Variants in CACNA1F observed in about 807,000 individuals in gnomAD.
The protein encoded by CACNA1F is calcium voltage-gated channel subunit alpha1 F, also known as voltage-dependent L-type calcium channel subunit alpha-1F.
CACNA1F carries 59 observed loss-of-function variants against 143.8 expected under a neutral mutation model. That is an observed-to-expected ratio of 0.41 (90% CI 0.33 to 0.51). The LOEUF (loss-of-function observed/expected upper bound fraction) is 0.51. Ranked by LOEUF, CACNA1F falls within the 20% of genes least tolerant of loss-of-function variation. CACNA1F has a pLI of 0.22. For missense variants in CACNA1F, 1,411 were observed against 1,647.5 expected, an observed-to-expected ratio of 0.86 and a Z score of 2.48; for synonymous variants, 643 against 649.1, an observed-to-expected ratio of 0.99 and a Z score of 0.14.
rs781950386 is a variant in CACNA1F at position 49,215,417 on chromosome X, G to A, written c.3363C>T (p.Phe1121=). The A allele has an allele frequency of 1.4e-5, 17 of 1,207,241 alleles. No homozygotes were observed. The Admixed American group carries it at 2.2e-4, about 16-fold the overall frequency. Residue 1121 remains phenylalanine, a synonymous_variant, in exon 28 of 48, where the codon TTC becomes TTT. Transcript: ENST00000323022. ...GGAAAGTGATGATGACGAAGCCCAC[G>A]AAGATGTTCATCATGAAGAACGCAA... ...IIIAFFMMNI[F]VGFVIITFRA...
In CACNA1F at chrX:49,211,036, A is replaced by G. The variant is rs1172196122; in HGVS notation, c.4317T>C (p.Asp1439=). 1.7e-6 allele frequency: 2 copies of G among 1,206,907 alleles called. No individual in the cohort carries two copies. Among genetic ancestry groups the G allele is most frequent in the African/African-American group, 1.7e-5 (1 of 57,704 alleles). The part of the protein sequence containing the change: ...IMDNFDYLTR[D]WSILGPHHLD... ...GGTGATGGGGGCCCAGGATGGACCA[A>G]TCTCTGGTGAGATAATCAAAGTTGT... Residue 1439 remains aspartate (D), a synonymous_variant, in exon 37 of 48, where the codon GAT becomes GAC. Transcript: ENST00000323022.
At position 49,226,945 on chromosome X, in the gene CACNA1F, G is replaced by A. The variant is rs1360293270; in HGVS notation, c.1276+25C>T. The A allele has an allele frequency of 1.7e-6, 2 of 1,209,871 alleles. No individual in the cohort carries two copies. The highest frequency in any genetic ancestry group is 2.2e-6 in the Non-Finnish European group (2 of 894,678). ...AGATTGGAGTTGCCTACGATGGCCC[G>A]CCCGGCCCTCTTCAGCCATAGAACC... On this transcript the variant is annotated intron_variant, in intron 9 of 47. Coordinates refer to ENST00000323022, the MANE Select transcript of CACNA1F (RefSeq NM_001256789.3).
intron 38 of CACNA1F, 69 bp downstream of exon 38, chrX:49,210,521 A>T (rs782265059): frequency 1.8e-5 from 19 of 1,062,139 alleles, no homozygotes; most frequent in Middle Eastern, 5.0e-4. Flanking sequence ...CCCAAGGCAG[A>T]TCCCTTCCCA....
Position 49,230,295 on chromosome X carries a change from T to C in CACNA1F, c.742A>G (p.Ile248Val), listed in dbSNP as rs782366870. ...LHIALLVLFVIIIYAIIGLEL... is the reference protein window; with the variant it reads ...LHIALLVLFVVIIYAIIGLEL... ...AGCCCAATGATGGCATAAATGATGA[T>C]GACGAAGAGCACGAGCAGTGCAATG... The change falls in exon 6 of 48, where the codon ATC becomes GTC. Residue 248 changes from isoleucine (I) to valine (V), a missense_variant. Physicochemically the swap from Ile to Val is conservative, Grantham distance 29. This residue lies in a region of CACNA1F where 950 missense variants were observed against 1,128.1 expected (regional missense o/e 0.84). Coordinates refer to ENST00000323022, the MANE Select transcript of CACNA1F (RefSeq NM_001256789.3). 17 of 1,205,366 alleles carry C rather than the reference T, an allele frequency of 1.4e-5. No individual in the cohort carries two copies. The East Asian group carries it at 2.4e-4, about 17-fold the overall frequency.
chrX:49,208,715 T>A lies in CACNA1F; in HGVS notation c.4954-31A>T, dbSNP rs782623957. The A allele has an allele frequency of 6.7e-6, 8 of 1,188,229 alleles. No homozygotes were observed. The East Asian group carries it at 2.1e-4, about 31-fold the overall frequency. On this transcript the variant is annotated intron_variant, in intron 42 of 47. Transcript: ENST00000323022. ...GAGAGTCACAGGACTGAGTGTTGCA[T>A]GCACTTTGTGGCTAAGTCATTTGGT... is the stretch of plus-strand genomic sequence containing the variant.
rs2065588725 is a variant in CACNA1F at position 49,205,756 on chromosome X, CCAA to C, written c.5527_5529del (p.Leu1843del). 5.0e-6 allele frequency: 6 copies of C among 1,204,632 alleles called. No homozygotes were observed. The highest frequency in any genetic ancestry group is 5.6e-6 in the Non-Finnish European group (5 of 891,958). ...CCCTCCCCCGCTGCGCCCTCTTCCACCAACAACAGCGGGGCATACAGGAGCCGA... is the reference window on the plus strand; with the variant it reads ...CCCTCCCCCGCTGCGCCCTCTTCCACCAACAGCGGGGCATACAGGAGCCGA... On this transcript the variant is annotated inframe_deletion, in exon 47 of 48. Coordinates refer to ENST00000323022, the MANE Select transcript of CACNA1F (RefSeq NM_001256789.3).
chrX:49,220,608 T>C, intron 18 of CACNA1F, 84 bp from the exon 19 acceptor site: 1 of 783,212 alleles, frequency 1.3e-6, no homozygotes, highest in Non-Finnish European at 1.9e-6. Context: ...AATGTAATAA[T>C]AGGGGAAAGA....
Position 49,231,863 on chromosome X carries a change from G to A in CACNA1F, c.90C>T (p.Pro30=), listed in dbSNP as rs782095705. The stretch of plus-strand genomic sequence containing the variant: ...TTTCACCTTCCACAGCTGGGGGCCC[G>A]GGGCACAGCCCCCATTCGGGACCAG... ...AGPGPEWGLC[P]GPPAVEGESS... Residue 30 remains proline (P), a synonymous_variant, in exon 2 of 48, where the codon CCC becomes CCT. Coordinates refer to ENST00000323022, the MANE Select transcript of CACNA1F (RefSeq NM_001256789.3). 33 of 1,183,923 alleles carry A rather than the reference G, an allele frequency of 2.8e-5. No homozygotes were observed. The Middle Eastern group carries it at 7.0e-4, about 25-fold the overall frequency.
chrX:49,224,490 G>A (rs782220043), intron 14 of CACNA1F, among the ~76,000 whole-genome samples: 4 of 110,520 alleles, frequency 3.6e-5, no homozygotes, highest in Non-Finnish European at 7.6e-5. Context: ...ATCGGAGACA[G>A]GGTTGGGGAA....
chrX:49,205,427 G>T, intron 47 of CACNA1F, 60 bp from the exon 48 acceptor site: 1 of 935,302 alleles, frequency 1.1e-6, no homozygotes, highest in Non-Finnish European at 1.5e-6. Flanking sequence ...AAGGTTCAGT[G>T]TGGATAAATG....
intron 29 of CACNA1F, among the ~76,000 whole-genome samples, chrX:49,214,663 C>T (rs2065692544): frequency 8.9e-6 from 1 of 111,911 alleles, no homozygotes; most frequent in Non-Finnish European, 1.9e-5. Flanking sequence ...TGCCAACTTG[C>T]TAAGAATGGT....
intron 14 of CACNA1F, 53 bp downstream of exon 14, chrX:49,224,708 G>C: frequency 1.3e-6 from 1 of 751,257 alleles, no homozygotes; most frequent in Non-Finnish European, 2.0e-6. Flanking sequence ...GCTTGGGTGG[G>C]GGTGTTGAGG....
chrX:49,233,155 A>G, intron 1 of CACNA1F, 130 bp downstream of exon 1: 1 of 509,600 alleles, frequency 2.0e-6, no homozygotes, highest in Non-Finnish European at 3.1e-6. Context: ...GCTGGCTGGG[A>G]TGGGGAACAG....
chrX:49,207,663 C>T (rs1311549508), intron 43 of CACNA1F, among the ~76,000 whole-genome samples: 2 of 109,974 alleles, frequency 1.8e-5, no homozygotes, highest in Admixed American at 1.9e-4. Context: ...CTCCTGGGCT[C>T]AAGCGATCCT....
chrX:49,206,392 C>CA (rs1168190548), intron 46 of CACNA1F, 119 bp downstream of exon 46: 31,942 of 148,380 alleles, frequency 0.22, 5,855 homozygotes, highest in Non-Finnish European at 0.25. Flanking sequence ...AACTCTGTCT[C>CA]AAAAAAAAAA....
rs969257915 is a variant in CACNA1F, at chrX:49,225,800, G to T, written c.1651+109C>A. ...GGGCTCTGGATTTATTTGGGTAGGG[G>T]GGAAGGCAGTGTCTTGGGGGCTGAG... is the stretch of plus-strand genomic sequence containing the variant. On this transcript the variant is annotated intron_variant, in intron 13 of 47. Transcript: ENST00000323022. The T allele has an allele frequency of 4.3e-5, 24 of 561,654 alleles. No homozygotes were observed. In the African/African-American group the frequency reaches 4.4e-4, roughly 10 times the overall value. The allele number at this position is 561,654 out of a possible 1,213,427, so 46.3% of individuals were successfully genotyped here.
rs145632023 is a variant in CACNA1F, at chrX:49,230,242, C to G, written c.795G>C (p.Lys265Asn). The G allele has an allele frequency of 3.7e-5, 44 of 1,204,340 alleles. No homozygotes were observed. The highest frequency in any genetic ancestry group is 4.7e-5 in the Non-Finnish European group (42 of 891,998). Residue 265 changes from lysine to asparagine, a missense_variant, in exon 6 of 48, where the codon AAG (lysine) becomes AAC (asparagine). By Grantham distance (94) the Lys-to-Asn change is moderately conservative. Coordinates refer to ENST00000323022, the MANE Select transcript of CACNA1F (RefSeq NM_001256789.3). ...GLELFLGRMH[K>N]TCYFLGSDME... is the part of the protein sequence containing the mutation. ...AACCGGATCCCAGGAAGTAGCACGT[C>G]TTGTGCATTCGTCCAAGGAACAGCT...
chrX:49,225,939 C>T lies in CACNA1F; in HGVS notation c.1621G>A (p.Gly541Arg), dbSNP rs782273369. 19 of 1,166,443 alleles carry T rather than the reference C, an allele frequency of 1.6e-5. No homozygotes were observed. In the East Asian group the frequency reaches 2.3e-4, roughly 14 times the overall value. ...NTLTIASEHH[G>R]QPVWLTQIQE... ...ATCTGGGTGAGCCACACAGGCTGCC[C>T]GTGGTGCTCAGAGGCGATGGTCAAC... Residue 541 changes from glycine (G) to arginine (R), a missense_variant, in exon 13 of 48, where the codon GGG becomes AGG. By Grantham distance (125) the Gly-to-Arg change is moderately radical. Around this residue, in one of 3 missense-constraint regions of CACNA1F, gnomAD observed 950 missense variants for 1,128.1 expected, o/e 0.84. Coordinates refer to ENST00000323022, the MANE Select transcript of CACNA1F (RefSeq NM_001256789.3).
At chrX:49,217,083 C>A (rs2283732) in intron 26 of CACNA1F, among the ~76,000 whole-genome samples, 58,737 of 109,836 alleles carry the variant, frequency 0.53, 12,905 homozygotes, top group Middle Eastern at 0.72. Context: ...CTCATCTTCC[C>A]GAGTAGCTGG....
Sources: allele counts gnomAD v4.1 joint callset (sites outside exome capture counted in the v4.1 genomes callset), GRCh38; gene constraint gnomAD v4.1.1; regional missense constraint gnomAD v4.1.1; transcripts MANE v1.5; gene names NCBI Gene and HGNC (gene_info 2026-07-23, HGNC 2026-07-21).